CCSER1: variants seen among roughly 807,000 people sequenced by gnomAD.
The protein encoded by CCSER1 is serine-rich coiled-coil domain-containing protein 1.
CCSER1 carries 41 observed loss-of-function variants against 82.0 expected under a neutral mutation model. That is an observed-to-expected ratio of 0.50 (90% CI 0.39 to 0.65). The LOEUF is 0.65. CCSER1 is among the 30% of genes least tolerant of loss of function. The probability of loss-of-function intolerance (pLI) is 0.00; values close to 1 mark genes in which losing one functional copy is unlikely to be tolerated. For synonymous variants in CCSER1, 414 were observed against 383.9 expected, an observed-to-expected ratio of 1.08 and a Z score of -0.92; for missense variants, 1,119 against 1,064.2, an observed-to-expected ratio of 1.05 and a Z score of -0.72.
intron 10 of CCSER1, among the ~76,000 whole-genome samples, chr4:91,202,670 GTAGTCACT>G (rs1735999820): frequency 1.5e-5 from 1 of 65,146 alleles, no homozygotes; most frequent in Non-Finnish European, 2.9e-5. Flanking sequence ...TCATAAAAAT[GTAGTCACT>G]GTCCGTAGAC....
intron 10 of CCSER1, among the ~76,000 whole-genome samples, chr4:91,535,967 C>CA (rs891135889): frequency 1.3e-5 from 2 of 152,044 alleles, no homozygotes; most frequent in Non-Finnish European, 2.9e-5. Flanking sequence ...TTTATCCCTT[C>CA]AAAAAACCAA....
intron 1 of CCSER1, among the ~76,000 whole-genome samples, chr4:90,226,012 C>G (rs1414809222): frequency 3.3e-5 from 5 of 152,206 alleles, no homozygotes; most frequent in Non-Finnish European, 7.4e-5. Flanking sequence ...TCTTGGACCC[C>G]TAGGCCATCA....
chr4:91,399,470 C>T (rs1025212022), intron 10 of CCSER1, among the ~76,000 whole-genome samples: 1 of 151,782 alleles, frequency 6.6e-6, no homozygotes, highest in Non-Finnish European at 1.5e-5. Context: ...AATTTTTATC[C>T]CTATATTTTA....
At chr4:90,691,555 C>A (rs562186379) in intron 6 of CCSER1, among the ~76,000 whole-genome samples, 8 of 131,732 alleles carry the variant, frequency 6.1e-5, no homozygotes, top group Non-Finnish European at 1.0e-4. Context: ...GTACATATCA[C>A]ATGTGTGTAT....
chr4:90,978,177 A>G (rs183272847), intron 9 of CCSER1, among the ~76,000 whole-genome samples: 3 of 151,810 alleles, frequency 2.0e-5, no homozygotes, highest in Non-Finnish European at 2.9e-5. Context: ...TTCCACAACC[A>G]AACTGTGTGG....
At chr4:91,457,756 T>A (rs923555292) in intron 10 of CCSER1, among the ~76,000 whole-genome samples, 1 of 152,188 alleles carries the variant, frequency 6.6e-6, no homozygotes, top group Non-Finnish European at 1.5e-5. Context: ...TAATCATTGA[T>A]TACTTTTTTA....
rs184993289 is a variant in CCSER1, at chr4:91,259,021, C to T, written c.2217+173027C>T. 1.1e-4 allele frequency among the ~76,000 whole-genome samples: 16 copies of T among 152,078 alleles called. No individual in the cohort carries two copies. The East Asian group carries it at 3.1e-3, about 29-fold the overall frequency. ...ATAGTATAAAAATGAAATCTAAATTCAGCTTGCCACAAAAACAATTGTACA... is the reference window on the plus strand; with the variant it reads ...ATAGTATAAAAATGAAATCTAAATTTAGCTTGCCACAAAAACAATTGTACA... On this transcript the variant is annotated intron_variant, in intron 10 of 10. Coordinates refer to ENST00000509176, the MANE Select transcript of CCSER1 (RefSeq NM_001145065.2).
At chr4:90,895,859 A>G (rs1482005149) in intron 8 of CCSER1, among the ~76,000 whole-genome samples, 2 of 151,962 alleles carry the variant, frequency 1.3e-5, no homozygotes, top group African/African-American at 4.8e-5. Flanking sequence ...ATGCTAAAGT[A>G]TTTCAAACAT....
chr4:91,057,909 A>G (rs2148726486), intron 9 of CCSER1, among the ~76,000 whole-genome samples: 1 of 152,272 alleles, frequency 6.6e-6, no homozygotes, highest in South Asian at 2.1e-4. Context: ...ATATAAGGTT[A>G]CCATCATTAC....
intron 1 of CCSER1, among the ~76,000 whole-genome samples, chr4:90,281,378 T>C (rs1345907359): frequency 6.6e-6 from 1 of 151,972 alleles, no homozygotes; most frequent in Non-Finnish European, 1.5e-5. Flanking sequence ...AAACTACCTA[T>C]TGGGAACTAT....
intron 10 of CCSER1, among the ~76,000 whole-genome samples, chr4:91,312,818 C>G (rs1745577975): frequency 6.6e-6 from 1 of 151,894 alleles, no homozygotes; most frequent in Non-Finnish European, 1.5e-5. Context: ...AAAAATTGCA[C>G]TTGTACCCTA....
intron 8 of CCSER1, among the ~76,000 whole-genome samples, chr4:90,871,540 A>G (rs180736496): frequency 1.3e-5 from 2 of 151,924 alleles, no homozygotes; most frequent in African/African-American, 4.8e-5. Flanking sequence ...AATTGATATT[A>G]TTTCAAATTT....
At chr4:90,724,090 A>T (rs1743206872) in intron 7 of CCSER1, 99 bp downstream of exon 7, 1 of 660,328 alleles carries the variant, frequency 1.5e-6, no homozygotes, top group Non-Finnish European at 2.5e-6. Flanking sequence ...GAACTGCTTT[A>T]ATCTTCAAGG....
Position 90,667,676 on chromosome 4 carries a change from A to G in CCSER1, c.1932+39444A>G, listed in dbSNP as rs529350952. Among the ~76,000 whole-genome samples, 41 of 151,674 alleles carry G rather than the reference A, an allele frequency of 2.7e-4. No individual in the cohort carries two copies. The South Asian group carries it at 7.1e-3, about 26-fold the overall frequency. On this transcript the variant is annotated intron_variant, in intron 6 of 10. Coordinates refer to ENST00000509176, the MANE Select transcript of CCSER1 (RefSeq NM_001145065.2). ...GTCCCTGCAAAGAACATGAACCCATACTCTTTCATGGTTGCATAGTATCCC... is the reference window on the plus strand; with the variant it reads ...GTCCCTGCAAAGAACATGAACCCATGCTCTTTCATGGTTGCATAGTATCCC...
At chr4:90,403,842 G>A (rs916476015) in intron 4 of CCSER1, 1 of 152,196 alleles carries the variant, frequency 6.6e-6, no homozygotes, top group African/African-American at 2.4e-5. Flanking sequence ...GATTGCAGAT[G>A]GGAGGAAGGA....
chr4:91,580,121 G>A (rs769633061), intron 10 of CCSER1, among the ~76,000 whole-genome samples: 9 of 151,814 alleles, frequency 5.9e-5, no homozygotes, highest in African/African-American at 1.2e-4. Context: ...TTACTGCAGA[G>A]CAAGCTGAAG....
At chr4:90,252,772 A>G (rs1425780435) in intron 1 of CCSER1, among the ~76,000 whole-genome samples, 1 of 151,882 alleles carries the variant, frequency 6.6e-6, no homozygotes, top group Non-Finnish European at 1.5e-5. Context: ...GTGGCTGGAG[A>G]ACATATTTTT....
At position 91,231,338 on chromosome 4, in the gene CCSER1, TTAAAAGA is replaced by T. The variant is rs374222135; in HGVS notation, c.2217+145350_2217+145356del. On this transcript the variant is annotated intron_variant, in intron 10 of 10. Transcript: ENST00000509176. ...GGTCATGAGATATTTTGTGGGAAAA[TTAAAAGA>T]TAAAAAATGTGAGTATAGGATAATT... is the stretch of plus-strand genomic sequence containing the variant. Among the ~76,000 whole-genome samples, 867 of 151,874 alleles carry T rather than the reference TTAAAAGA, an allele frequency of 5.7e-3. 8 individuals carry two copies. Among genetic ancestry groups the T allele is most frequent in the African/African-American group, 0.02 (834 of 41,516 alleles).
intron 1 of CCSER1, among the ~76,000 whole-genome samples, chr4:90,213,735 C>T (rs974176607): frequency 2.6e-5 from 4 of 152,178 alleles, no homozygotes; most frequent in African/African-American, 9.6e-5. Context: ...TTAGTCAACA[C>T]TGACAGATGC....
Sources: gnomAD v4.1 joint callset for allele counts (sites outside exome capture counted in the v4.1 genomes callset) on GRCh38, gnomAD v4.1.1 for gene constraint, MANE v1.5 for transcripts, NCBI Gene and HGNC (gene_info 2026-07-23, HGNC 2026-07-21) for gene names.